The following ZBED1 variants were observed in gnomAD, a reference collection of about 807,000 sequenced individuals.
ZBED1 encodes the protein E3 SUMO-protein ligase ZBED1.
A neutral mutation model predicts 49.7 loss-of-function variants in ZBED1; 19 were observed. That is an observed-to-expected ratio of 0.38 (90% CI 0.27 to 0.56). The LOEUF (loss-of-function observed/expected upper bound fraction) is 0.56, where lower values mean the gene tolerates loss of function less well. Ranked by LOEUF, ZBED1 falls within the 20% of genes least tolerant of loss-of-function variation. The pLI, the probability that ZBED1 is intolerant of heterozygous loss-of-function variation, is 0.70. For synonymous variants in ZBED1, 439 were observed against 440.3 expected, an observed-to-expected ratio of 1.00 and a Z score of 0.04; for missense variants, 806 against 972.6, an observed-to-expected ratio of 0.83 and a Z score of 2.28.
chrX:2,488,839 G>A lies in ZBED1; in HGVS notation c.1881C>T (p.Asn627=), dbSNP rs375144336. The A allele has an allele frequency of 1.5e-5, 25 of 1,613,654 alleles. No homozygotes were observed. The highest frequency in any genetic ancestry group is 6.7e-5 in the African/African-American group (5 of 74,922). The change falls in exon 2 of 2, where the codon AAC becomes AAT. Residue 627 remains asparagine (N), a synonymous_variant. Transcript: ENST00000652001. ...GCCGGTTCCTCTTGGCGCTGACCAC[G>A]TTGGCGGCGGATCCGAAGAGACGCT... ...APERLFGSAA[N]VVSAKRNRLA... is the part of the protein sequence containing the mutation.
intron 1 of ZBED1, 48 bp downstream of exon 1, chrX:2,500,769 C>T (rs2045407670): frequency 2.0e-6 from 2 of 979,142 alleles, no homozygotes; most frequent in African/African-American, 1.8e-5. Flanking sequence ...AGCCAGCCCG[C>T]GCCCACCCGG....
At position 2,489,868 on chromosome X, in the gene ZBED1, G is replaced by C. The variant is rs138493635; in HGVS notation, c.852C>G (p.Val284=). The change falls in exon 2 of 2, where the codon GTC becomes GTG. Residue 284 remains valine (V), a synonymous_variant. Coordinates refer to ENST00000652001, the MANE Select transcript of ZBED1 (RefSeq NM_001171136.2). ...DIVKACSLLD[V]AVHMPCLGHT... is the part of the protein sequence containing the mutation. ...GGCCCAGGCAGGGCATGTGCACTGC[G>C]ACGTCCAGCAGGGAGCACGCCTTCA... 2 of 1,613,806 alleles carry C rather than the reference G, an allele frequency of 1.2e-6. No individual in the cohort carries two copies. Among genetic ancestry groups the C allele is most frequent in the East Asian group, 4.5e-5 (2 of 44,880 alleles).
chrX:2,497,301 G>A (rs1329311799), intron 1 of ZBED1, among the ~76,000 whole-genome samples: 1 of 152,172 alleles, frequency 6.6e-6, no homozygotes, highest in African/African-American at 2.4e-5. Flanking sequence ...GCTGAGGCAG[G>A]AGAATCGCTT....
chrX:2,491,066 G>GTTTTTTT (rs900738620), intron 1 of ZBED1, among the ~76,000 whole-genome samples: 2 of 110,246 alleles, frequency 1.8e-5, no homozygotes, highest in African/African-American at 3.5e-5. Flanking sequence ...AGTGCCTTTA[G>GTTTTTTT]TTTTTTTTTT....
Position 2,490,716 on chromosome X carries a change from C to A in ZBED1, c.4G>T (p.Glu2Ter). The A allele has an allele frequency of 6.2e-7, 1 of 1,611,810 alleles. No homozygotes were observed. The highest frequency in any genetic ancestry group is 8.5e-7 in the Non-Finnish European group (1 of 1,178,548). The part of the protein sequence containing the change: M[E>*]NKSLESSQTD... ...TGGGAGCTCTCCAGGCTTTTATTCT[C>A]CATTGCTTCTCCACCGGAGCCTGCC... The change falls in exon 2 of 2, where the codon GAG becomes TAG. Residue 2 changes from glutamate (E) to a stop codon, truncating the protein, a stop_gained. Coordinates refer to ENST00000652001, the MANE Select transcript of ZBED1 (RefSeq NM_001171136.2). LOFTEE classifies it high-confidence loss of function.
chrX:2,488,378 T>C lies in ZBED1; in HGVS notation c.*257A>G. On this transcript the variant is annotated 3_prime_UTR_variant, in exon 2 of 2. Transcript: ENST00000652001. ...TTAGTAGAGACGGGGTTTCGCCATG[T>C]TGGCCAGGCTGGTCTCGATCTCCTG... The C allele has an allele frequency of 4.5e-6, 2 of 447,420 alleles. No individual in the cohort carries two copies. Among genetic ancestry groups the C allele is most frequent in the Non-Finnish European group, 7.7e-6 (2 of 258,832 alleles). The allele number at this position is 447,420 out of a possible 1,614,324, so 27.7% of individuals were successfully genotyped here.
At position 2,488,470 on chromosome X, in the gene ZBED1, C is replaced by T. The variant is rs1349218598; in HGVS notation, c.*165G>A. 4.8e-5 allele frequency: 47 copies of T among 970,202 alleles called. No individual in the cohort carries two copies. The highest frequency in any genetic ancestry group is 4.3e-4 in the African/African-American group (26 of 60,042). 60.1% of individuals were successfully genotyped at this position (970,202 alleles called of 1,614,324 possible). ...GATTATAGACAGGAGCCACCGCCCC[C>T]GACCCTCTCTCACTTCTCAAATCTC... is the stretch of plus-strand genomic sequence containing the variant. On this transcript the variant is annotated 3_prime_UTR_variant, in exon 2 of 2. Transcript: ENST00000652001.
intron 1 of ZBED1, among the ~76,000 whole-genome samples, chrX:2,492,206 T>C (rs1433954188): frequency 6.6e-6 from 1 of 152,192 alleles, no homozygotes; most frequent in Non-Finnish European, 1.5e-5. Flanking sequence ...TGCAGATGTA[T>C]TAATAATGAA....
At position 2,489,734 on chromosome X, in the gene ZBED1, A is replaced by C; in HGVS notation, c.986T>G (p.Met329Arg). The C allele has an allele frequency of 1.2e-6, 2 of 1,613,198 alleles. No individual in the cohort carries two copies. The highest frequency in any genetic ancestry group is 1.7e-6 in the Non-Finnish European group (2 of 1,179,846). The part of the protein sequence containing the change: ...VEYFQQSAVA[M>R]YMLYEKQKQQ... Reference sequence around the variant, plus strand: ...CTTCTGCTTCTCATAGAGCATGTACATGGCCACGGCAGACTGCTGGAAGTA... The same window carrying C: ...CTTCTGCTTCTCATAGAGCATGTACCTGGCCACGGCAGACTGCTGGAAGTA... Residue 329 changes from methionine (M) to arginine (R), a missense_variant, in exon 2 of 2, where the codon ATG becomes AGG. Met to Arg is a moderately conservative substitution (Grantham distance 91, BLOSUM62 -1). Around this residue, in one of 2 missense-constraint regions of ZBED1, gnomAD observed 749 missense variants for 861.3 expected, o/e 0.87. Transcript: ENST00000652001.
At position 2,490,366 on chromosome X, in the gene ZBED1, G is replaced by A. The variant is rs138462497; in HGVS notation, c.354C>T (p.Tyr118=). The A allele has an allele frequency of 1.5e-4, 243 of 1,613,414 alleles. No individual in the cohort carries two copies. Among genetic ancestry groups the A allele is most frequent in the Non-Finnish European group, 1.9e-4 (230 of 1,179,826 alleles). The change falls in exon 2 of 2, where the codon TAC becomes TAT. Residue 118 remains tyrosine, a synonymous_variant. Transcript: ENST00000652001. ...TCAGCTCCTGCTGCTTCTTGCTGTC[G>A]TAGCCGTGGCCGGCCTTGACGGCCA... ...DALAVKAGHG[Y]DSKKQQELTA...
At chrX:2,500,559 G>T (rs2045395165) in intron 1 of ZBED1, 1 of 174,696 alleles carries the variant, frequency 5.7e-6, no homozygotes, top group Non-Finnish European at 1.2e-5. Context: ...CACGCGCGGG[G>T]AGGGAAGGGT....
rs2124106043 is a variant in ZBED1, at chrX:2,490,204, G to A, written c.516C>T (p.Ala172=). 1 of 1,613,974 alleles carries A rather than the reference G, an allele frequency of 6.2e-7. No homozygotes were observed. Among genetic ancestry groups the A allele is most frequent in the South Asian group, 1.1e-5 (1 of 91,080 alleles). The change falls in exon 2 of 2, where the codon GCC becomes GCT. Residue 172 remains alanine (A), a synonymous_variant. Transcript: ENST00000652001. ...GGACGGCCCCGTACTTCTCAGGGAT[G>A]GCCTTGGTAGAGATGTACTTCCGGC... ...LPSRKYISTK[A]IPEKYGAVRE...
Position 2,490,195 on chromosome X carries a change from CT to C in ZBED1, c.524del (p.Glu175GlyfsTer9). On this transcript the variant is annotated frameshift_variant, in exon 2 of 2. Coordinates refer to ENST00000652001, the MANE Select transcript of ZBED1 (RefSeq NM_001171136.2). LOFTEE classifies it high-confidence loss of function. ...TCACCTCCCGGACGGCCCCGTACTT[CT>C]CAGGGATGGCCTTGGTAGAGATGTA... The part of the protein sequence containing the change: ...RKYISTKAIP[E>X]KYGAVREVIL... 2 of 1,614,032 alleles carry C rather than the reference CT, an allele frequency of 1.2e-6. No homozygotes were observed. The highest frequency in any genetic ancestry group is 1.7e-6 in the Non-Finnish European group (2 of 1,179,884).
rs2044984790 is a variant in ZBED1 at position 2,487,741 on chromosome X, T to C, written c.*894A>G. ...AACACATTCCACACTTTTTTTTCTGTTTGCTTTTTGTTAAGTGTCTGCATT... is the reference window on the plus strand; with the variant it reads ...AACACATTCCACACTTTTTTTTCTGCTTGCTTTTTGTTAAGTGTCTGCATT... On this transcript the variant is annotated 3_prime_UTR_variant, in exon 2 of 2. Transcript: ENST00000652001. 1.3e-5 allele frequency: 2 copies of C among 151,938 alleles called. No homozygotes were observed. Among genetic ancestry groups the C allele is most frequent in the African/African-American group, 4.8e-5 (2 of 41,348 alleles). 9.4% of individuals were successfully genotyped at this position (151,938 alleles called of 1,614,324 possible). A position where few individuals can be genotyped will look rare whatever the true frequency, so the allele number is the denominator to read the frequency against.
rs2045018984 is a variant in ZBED1, at chrX:2,488,690, A to G, written c.2030T>C (p.Leu677Ser). Residue 677 changes from leucine to serine, a missense_variant, in exon 2 of 2, where the codon TTG becomes TCG. Leu to Ser is a moderately radical substitution (Grantham distance 145). This residue lies in a region of ZBED1 where 749 missense variants were observed against 861.3 expected (regional missense o/e 0.87). Transcript: ENST00000652001. ...GAAACCGCCGCTGACGCCATCCCCCAAGGAGAACACCTGCTCCTGGTCCAG... is the reference window on the plus strand; with the variant it reads ...GAAACCGCCGCTGACGCCATCCCCCGAGGAGAACACCTGCTCCTGGTCCAG... Reference protein sequence around the residue: ...WGLDQEQVFSLGDGVSGGFFG... With the variant: ...WGLDQEQVFSSGDGVSGGFFG... 6.2e-6 allele frequency: 10 copies of G among 1,613,510 alleles called. No homozygotes were observed. The highest frequency in any genetic ancestry group is 8.5e-6 in the Non-Finnish European group (10 of 1,179,754).
At chrX:2,499,615 T>A (rs1204522542) in intron 1 of ZBED1, among the ~76,000 whole-genome samples, 1 of 150,776 alleles carries the variant, frequency 6.6e-6, no homozygotes, top group Non-Finnish European at 1.5e-5. Context: ...TACAAAAAAT[T>A]TAAAACATTA....
Position 2,489,440 on chromosome X carries a change from T to G in ZBED1, c.1280A>C (p.His427Pro). 2 of 1,613,880 alleles carry G rather than the reference T, an allele frequency of 1.2e-6. No homozygotes were observed. The highest frequency in any genetic ancestry group is 1.7e-6 in the Non-Finnish European group (2 of 1,179,848). Residue 427 changes from histidine to proline, a missense_variant, in exon 2 of 2, where the codon CAC (histidine) becomes CCC (proline). Transcript: ENST00000652001. Reference protein sequence around the residue: ...PTISMVKPLLHMLLNTTLNIK... With the variant: ...PTISMVKPLLPMLLNTTLNIK... ...GTTGAGCGTGGTGTTCAGGAGCATG[T>G]GCAGCAGCGGCTTCACCATGCTGAT...
rs1205513336 is a variant in ZBED1, at chrX:2,488,995, G to C, written c.1725C>G (p.Phe575Leu). ...HAQVVEELSN[F>L]KSQKVLGLNE... Reference sequence around the variant, plus strand: ...TGAGGCCAAGCACCTTCTGGGACTTGAAGTTGCTCAGCTCCTCCACCACCT... The same window carrying C: ...TGAGGCCAAGCACCTTCTGGGACTTCAAGTTGCTCAGCTCCTCCACCACCT... The change falls in exon 2 of 2, where the codon TTC (phenylalanine) becomes TTG (leucine). Residue 575 changes from phenylalanine to leucine, a missense_variant. Physicochemically the swap from Phe to Leu is conservative, Grantham distance 22 (BLOSUM62 0). Around this residue, in one of 2 missense-constraint regions of ZBED1, gnomAD observed 749 missense variants for 861.3 expected, o/e 0.87. Coordinates refer to ENST00000652001, the MANE Select transcript of ZBED1 (RefSeq NM_001171136.2). 6 of 1,607,560 alleles carry C rather than the reference G, an allele frequency of 3.7e-6. No individual in the cohort carries two copies. In the East Asian group the frequency reaches 1.3e-4, roughly 36 times the overall value.
Position 2,490,423 on chromosome X carries a change from G to A in ZBED1, c.297C>T (p.Pro99=), listed in dbSNP as rs746764510. The A allele has an allele frequency of 9.9e-6, 16 of 1,613,908 alleles. No homozygotes were observed. The highest frequency in any genetic ancestry group is 2.2e-5 in the East Asian group (1 of 44,852). The change falls in exon 2 of 2, where the codon CCC becomes CCT. Residue 99 remains proline (P), a synonymous_variant. Coordinates refer to ENST00000652001, the MANE Select transcript of ZBED1 (RefSeq NM_001171136.2). ...AFATAFSKLK[P]ESSQQPGQDA... ...CCTGCCCGGGCTGCTGGGACGACTC[G>A]GGCTTCAGCTTGGAGAAGGCGGTGG...
Sources: gnomAD v4.1 joint callset for allele counts (sites outside exome capture counted in the v4.1 genomes callset) on GRCh38, gnomAD v4.1.1 for gene constraint, gnomAD v4.1.1 regional missense constraint, MANE v1.5 for transcripts, NCBI Gene and HGNC (gene_info 2026-07-23, HGNC 2026-07-21) for gene names.